ADAM19: variants seen among roughly 807,000 people sequenced by gnomAD.
ADAM19 encodes disintegrin and metalloproteinase domain-containing protein 19.
ADAM19 carries 65 observed loss-of-function variants against 114.7 expected under a neutral mutation model. The observed-to-expected ratio is 0.57, with a 90% CI of 0.46 to 0.70. ADAM19 has a LOEUF of 0.70. Ranked by LOEUF, ADAM19 falls within the 30% of genes least tolerant of loss-of-function variation. The probability of loss-of-function intolerance (pLI) is 0.00; values close to 1 mark genes in which losing one functional copy is unlikely to be tolerated. For synonymous variants in ADAM19, 466 were observed against 460.5 expected (o/e 1.01, Z -0.15); for missense variants, 1,063 against 1,204.7 (o/e 0.88, Z 1.74).
At chr5:157,521,051 A>T (rs1395398531) in intron 5 of ADAM19, among the ~76,000 whole-genome samples, 1 of 152,138 alleles carries the variant, frequency 6.6e-6, no homozygotes, top group Non-Finnish European at 1.5e-5. Context: ...GGAATAAGTC[A>T]CTCTAATGTA....
At chr5:157,548,540 G>A (rs1448538422) in intron 3 of ADAM19, among the ~76,000 whole-genome samples, 1 of 152,170 alleles carries the variant, frequency 6.6e-6, no homozygotes, top group Non-Finnish European at 1.5e-5. Flanking sequence ...CTCAATACCT[G>A]CCCCAGTTGA....
chr5:157,491,731 A>G lies in ADAM19; in HGVS notation c.1987-8T>C, dbSNP rs2113698230. ...CTGGTTGTTGTTACAGACCTGGAGCAAAGAAAGGGCAGAGGCATCAGCACC... is the reference window on the plus strand; with the variant it reads ...CTGGTTGTTGTTACAGACCTGGAGCGAAGAAAGGGCAGAGGCATCAGCACC... On this transcript the variant is annotated splice_polypyrimidine_tract_variant and splice_region_variant and intron_variant, in intron 17 of 22. Transcript: ENST00000257527. 1 of 1,601,322 alleles carries G rather than the reference A, an allele frequency of 6.2e-7. No individual in the cohort carries two copies. The highest frequency in any genetic ancestry group is 8.5e-7 in the Non-Finnish European group (1 of 1,172,140).
chr5:157,507,908 C>A (rs1258188459), intron 9 of ADAM19, among the ~76,000 whole-genome samples: 3 of 152,128 alleles, frequency 2.0e-5, no homozygotes, highest in Non-Finnish European at 4.4e-5. Context: ...TATGGAAATT[C>A]ATTATGTGGT....
intron 21 of ADAM19, among the ~76,000 whole-genome samples, chr5:157,485,591 C>T (rs1001705185): frequency 2.0e-5 from 3 of 152,180 alleles, no homozygotes; most frequent in Admixed American, 6.5e-5. Flanking sequence ...TGGGCATAGA[C>T]GGGCTCCTCC....
intron 4 of ADAM19, among the ~76,000 whole-genome samples, chr5:157,536,267 GT>G (rs1458724558): frequency 6.6e-6 from 1 of 152,192 alleles, no homozygotes; most frequent in Non-Finnish European, 1.5e-5. Context: ...GCTGAGGTGG[GT>G]GGATCACCTT....
chr5:157,549,798 T>C (rs1757139711), intron 3 of ADAM19, among the ~76,000 whole-genome samples: 1 of 152,210 alleles, frequency 6.6e-6, no homozygotes, highest in Non-Finnish European at 1.5e-5. Context: ...GCTCAATCAG[T>C]ATCCCCTGAA....
intron 3 of ADAM19, among the ~76,000 whole-genome samples, chr5:157,556,354 G>A (rs1013125587): frequency 1.1e-4 from 16 of 151,502 alleles, no homozygotes; most frequent in Non-Finnish European, 2.1e-4. Flanking sequence ...GAGTAGCTGG[G>A]ACTACAGGGG....
At chr5:157,529,467 C>T (rs1408479098) in intron 5 of ADAM19, among the ~76,000 whole-genome samples, 1 of 152,056 alleles carries the variant, frequency 6.6e-6, no homozygotes, top group Non-Finnish European at 1.5e-5. Flanking sequence ...ACTTCATATT[C>T]TCAAGGAACA....
chr5:157,498,897 C>T (rs1329978451), intron 13 of ADAM19, among the ~76,000 whole-genome samples: 1 of 151,894 alleles, frequency 6.6e-6, no homozygotes, highest in Non-Finnish European at 1.5e-5. Flanking sequence ...CAATTCAGGT[C>T]AAGTTTTGCC....
intron 19 of ADAM19, 97 bp downstream of exon 19, chr5:157,490,213 T>C: frequency 1.4e-6 from 2 of 1,407,208 alleles, no homozygotes; most frequent in Admixed American, 1.8e-5. Flanking sequence ...TTCCCTGAAT[T>C]AGACCCACTA....
intron 18 of ADAM19, 74 bp from the exon 19 acceptor site, chr5:157,490,528 TG>T: frequency 6.5e-7 from 1 of 1,530,088 alleles, no homozygotes; most frequent in African/African-American, 1.4e-5. Flanking sequence ...TAGGTATTCG[TG>T]CTTCTTCTTC....
chr5:157,483,154 A>T (rs1449362658), intron 21 of ADAM19, among the ~76,000 whole-genome samples: 1 of 152,142 alleles, frequency 6.6e-6, no homozygotes, highest in Non-Finnish European at 1.5e-5. Context: ...GCATGTGTAT[A>T]CCTATGTAAC....
chr5:157,552,113 TGCACTCCAGCCTGGGGGA>T (rs1316489015), intron 3 of ADAM19, among the ~76,000 whole-genome samples: 1 of 152,032 alleles, frequency 6.6e-6, no homozygotes, highest in African/African-American at 2.4e-5. Flanking sequence ...ATCGCACCAC[TGCACTCCAGCCTGGGGGA>T]CAGATCAAGA....
intron 11 of ADAM19, among the ~76,000 whole-genome samples, chr5:157,504,904 G>A (rs1301673393): frequency 6.6e-6 from 1 of 151,908 alleles, no homozygotes; most frequent in East Asian, 1.9e-4. Flanking sequence ...TGGATCACGA[G>A]GTCAGGAGAT....
In ADAM19 at chr5:157,564,349, T is replaced by C. The variant is rs1323374122; in HGVS notation, c.251+24A>G. 5.6e-6 allele frequency: 9 copies of C among 1,610,458 alleles called. No individual in the cohort carries two copies. In the Admixed American group the frequency reaches 1.3e-4, roughly 24 times the overall value. ...GACACAGAAGTTATTTGTTTCATTT[T>C]AGACAAAGGAGGAGTCCACTTACTC... On this transcript the variant is annotated intron_variant, in intron 3 of 22. Coordinates refer to ENST00000257527, the MANE Select transcript of ADAM19 (RefSeq NM_033274.5).
At chr5:157,552,863 A>C (rs1400095944) in intron 3 of ADAM19, among the ~76,000 whole-genome samples, 1 of 152,164 alleles carries the variant, frequency 6.6e-6, no homozygotes, top group Admixed American at 6.5e-5. Context: ...ATAAAAAAGA[A>C]TGAGCTCCAG....
At chr5:157,567,784 C>T (rs113289794) in intron 2 of ADAM19, among the ~76,000 whole-genome samples, 30,098 of 149,308 alleles carry the variant, frequency 0.2, 4,222 homozygotes, top group African/African-American at 0.39. Flanking sequence ...GCAACAAGAG[C>T]GAAACTCCGT....
At position 157,477,630 on chromosome 5, in the gene ADAM19, C is replaced by T; in HGVS notation, c.*3319G>A. On this transcript the variant is annotated 3_prime_UTR_variant, in exon 23 of 23. Transcript: ENST00000257527. ...AAGGGGACCTTTCCAGTTGGCGTTC[C>T]CATGGCTTTCTTGGGTGTCCAGCAG... The T allele has an allele frequency of 7.8e-7, 1 of 1,285,526 alleles. No individual in the cohort carries two copies. Among genetic ancestry groups the T allele is most frequent in the Non-Finnish European group, 1.0e-6 (1 of 985,840 alleles). 79.6% of individuals were successfully genotyped at this position (1,285,526 alleles called of 1,614,324 possible). A position where few individuals can be genotyped will look rare whatever the true frequency, so the allele number is the denominator to read the frequency against.
intron 3 of ADAM19, 36 bp from the exon 4 acceptor site, chr5:157,538,027 T>C (rs759453026): frequency 1.3e-6 from 2 of 1,534,058 alleles, no homozygotes; most frequent in African/African-American, 2.7e-5. Context: ...ATATCATAAG[T>C]GGATGAACTC....
Sources: allele counts gnomAD v4.1 joint callset (sites outside exome capture counted in the v4.1 genomes callset), GRCh38; gene constraint gnomAD v4.1.1; transcripts MANE v1.5; gene names NCBI Gene and HGNC (gene_info 2026-07-23, HGNC 2026-07-21).